Variants in KHDRBS2 observed in about 807,000 individuals in gnomAD.
KHDRBS2 encodes the protein KH domain-containing, RNA-binding, signal transduction-associated protein 2.
KHDRBS2 carries 26 observed loss-of-function variants against 44.3 expected under a neutral mutation model. The observed-to-expected ratio is 0.59, with a 90% CI of 0.43 to 0.81. The LOEUF is 0.81. KHDRBS2 is among the 40% of genes least tolerant of loss of function. The probability of loss-of-function intolerance (pLI) is 0.00; values close to 1 mark genes in which losing one functional copy is unlikely to be tolerated. For missense variants in KHDRBS2, 476 were observed against 433.1 expected (o/e 1.10, Z -0.88); for synonymous variants, 194 against 151.1 (o/e 1.28, Z -2.08).
chr6:61,631,520 T>G, the KHDRBS2 span, among the ~76,000 whole-genome samples: 1 of 152,110 alleles, frequency 6.6e-6, no homozygotes, highest in Non-Finnish European at 1.5e-5. Flanking sequence ...GGCTATCTGT[T>G]GAATTGCGAC....
chr6:62,125,329 T>C, intron 2 of KHDRBS2, among the ~76,000 whole-genome samples: 1 of 152,204 alleles, frequency 6.6e-6, no homozygotes, highest in East Asian at 1.9e-4. Context: ...GAAATGCCCA[T>C]TCCAGTTGTC....
intron 6 of KHDRBS2, among the ~76,000 whole-genome samples, chr6:61,780,369 G>A (rs557698882): frequency 4.6e-5 from 7 of 151,992 alleles, no homozygotes; most frequent in Middle Eastern, 3.2e-3. Flanking sequence ...GTGTGGTGGC[G>A]TGTGCCTGTA....
the KHDRBS2 span, among the ~76,000 whole-genome samples, chr6:61,544,759 G>T: frequency 2.0e-5 from 3 of 152,056 alleles, no homozygotes; most frequent in Non-Finnish European, 4.4e-5. Flanking sequence ...CATAAAAAAT[G>T]ATGAGTTTGT....
At position 61,922,303 on chromosome 6, in the gene KHDRBS2, T is replaced by C. The variant is rs189922457; in HGVS notation, c.484-20932A>G. On this transcript the variant is annotated intron_variant, in intron 4 of 8. Transcript: ENST00000281156. The stretch of plus-strand genomic sequence containing the variant: ...TGGGGAACAACTGTGGTAAGCCCTA[T>C]GTCTTATTGCCTTGAAAAAGTCTCC... Among the ~76,000 whole-genome samples, 108 of 152,168 alleles carry C rather than the reference T, an allele frequency of 7.1e-4. 1 individual carries two copies. The highest frequency in any genetic ancestry group is 2.5e-3 in the African/African-American group (103 of 41,552).
At chr6:62,243,538 T>C (rs1585385345) in intron 1 of KHDRBS2, among the ~76,000 whole-genome samples, 1 of 152,038 alleles carries the variant, frequency 6.6e-6, no homozygotes, top group East Asian at 1.9e-4. Context: ...CGTGACACTT[T>C]TACTCTGAAG....
chr6:61,814,013 T>C (rs1176981355), intron 6 of KHDRBS2: 1 of 455,970 alleles, frequency 2.2e-6, no homozygotes. Context: ...TTAAGTCTGG[T>C]TGAACTCCAA....
intron 8 of KHDRBS2, among the ~76,000 whole-genome samples, chr6:61,681,512 C>T (rs1403886146): frequency 9.2e-5 from 14 of 151,748 alleles, no homozygotes; most frequent in Admixed American, 2.6e-4. Context: ...TGGTATTTTT[C>T]AAATACTCCC....
At chr6:61,854,147 G>T (rs199705351) in intron 6 of KHDRBS2, among the ~76,000 whole-genome samples, 10,186 of 151,912 alleles carry the variant, frequency 0.067, 405 homozygotes, top group Middle Eastern at 0.13. Flanking sequence ...TTGAAAAATC[G>T]TGTAGAATTC....
intron 4 of KHDRBS2, among the ~76,000 whole-genome samples, chr6:61,971,985 T>G (rs562424241): frequency 6.6e-6 from 1 of 152,294 alleles, no homozygotes; most frequent in East Asian, 1.9e-4. Context: ...CCAGAAATAT[T>G]TGTTGTGTTA....
chr6:62,191,182 G>A (rs1265458026), intron 1 of KHDRBS2, among the ~76,000 whole-genome samples: 1 of 152,086 alleles, frequency 6.6e-6, no homozygotes, highest in Admixed American at 6.6e-5. Context: ...ACTGTTGAAG[G>A]TTAAATTCTA....
At chr6:62,040,551 C>T (rs1248462154) in intron 3 of KHDRBS2, among the ~76,000 whole-genome samples, 2 of 152,064 alleles carry the variant, frequency 1.3e-5, no homozygotes, top group Non-Finnish European at 2.9e-5. Flanking sequence ...GCTGATCACT[C>T]AAATGGCTAA....
At chr6:62,091,719 A>C (rs1799525467) in intron 2 of KHDRBS2, among the ~76,000 whole-genome samples, 1 of 152,178 alleles carries the variant, frequency 6.6e-6, no homozygotes, top group Non-Finnish European at 1.5e-5. Context: ...TACAGGAGAA[A>C]AAAGTTACAC....
chr6:62,137,576 T>C (rs1230659297), intron 2 of KHDRBS2, among the ~76,000 whole-genome samples: 1 of 152,104 alleles, frequency 6.6e-6, no homozygotes, highest in African/African-American at 2.4e-5. Context: ...TAGTGAACAA[T>C]AGGGAGTGGT....
chr6:61,587,291 T>C, the KHDRBS2 span, among the ~76,000 whole-genome samples: 2 of 152,142 alleles, frequency 1.3e-5, no homozygotes, highest in Non-Finnish European at 2.9e-5. Flanking sequence ...AATCTCACCA[T>C]CATTTTCCTA....
At chr6:61,621,263 C>A in the KHDRBS2 span, among the ~76,000 whole-genome samples, 1 of 152,156 alleles carries the variant, frequency 6.6e-6, no homozygotes, top group South Asian at 2.1e-4. Context: ...GTACAATAAT[C>A]CAGTCATTTG....
intron 3 of KHDRBS2, among the ~76,000 whole-genome samples, chr6:62,001,251 AAGT>A (rs1778185469): frequency 6.6e-6 from 1 of 152,178 alleles, no homozygotes; most frequent in Admixed American, 6.6e-5. Context: ...CTCAGGGTTA[AAGT>A]TTAAAAACCA....
chr6:61,862,363 G>A (rs1464930597), intron 6 of KHDRBS2, among the ~76,000 whole-genome samples: 4 of 152,062 alleles, frequency 2.6e-5, no homozygotes, highest in Non-Finnish European at 5.9e-5. Flanking sequence ...ATGTAGAATA[G>A]GAGTGGTGAC....
In KHDRBS2 at chr6:62,096,662, C is replaced by T. The variant is rs148959476; in HGVS notation, c.220-48668G>A. Among the ~76,000 whole-genome samples the T allele has an allele frequency of 3.8e-3, 583 of 151,698 alleles. 1 individual carries two copies. Among genetic ancestry groups the T allele is most frequent in the African/African-American group, 0.014 (564 of 41,460 alleles). On this transcript the variant is annotated intron_variant, in intron 2 of 8. Coordinates refer to ENST00000281156, the MANE Select transcript of KHDRBS2 (RefSeq NM_152688.4). ...AATTTTGTTTATCTTTTCAAAAAAC[C>T]GGGTTTTCATTTAATTGATTTTTTT... is the stretch of plus-strand genomic sequence containing the variant.
At chr6:62,070,802 G>A (rs910208487) in intron 2 of KHDRBS2, among the ~76,000 whole-genome samples, 30 of 152,086 alleles carry the variant, frequency 2.0e-4, no homozygotes, top group South Asian at 4.1e-4. Flanking sequence ...ATAAACATAC[G>A]TGTGCATGTG....
Sources: gnomAD v4.1 joint callset for allele counts (sites outside exome capture counted in the v4.1 genomes callset) on GRCh38, gnomAD v4.1.1 for gene constraint, MANE v1.5 for transcripts, NCBI Gene and HGNC (gene_info 2026-07-23, HGNC 2026-07-21) for gene names.